Variants in SRPX observed in about 807,000 individuals in gnomAD.
SRPX encodes sushi repeat containing protein X-linked.
SRPX carries 24 observed loss-of-function variants against 38.1 expected under a neutral mutation model. The observed-to-expected ratio is 0.63, with a 90% CI of 0.46 to 0.89. The LOEUF (loss-of-function observed/expected upper bound fraction) is 0.89. Ranked by LOEUF, SRPX falls within the 40% of genes least tolerant of loss-of-function variation. The probability of loss-of-function intolerance (pLI) is 0.00; values close to 1 mark genes in which losing one functional copy is unlikely to be tolerated. For missense variants in SRPX, 416 were observed against 377.8 expected (o/e 1.10, Z -0.84); for synonymous variants, 184 against 153.8 (o/e 1.20, Z -1.45).
chrX:38,152,679 T>C lies in SRPX; in HGVS notation c.1211+1783A>G, dbSNP rs752643380. ...CAATATATACAATCTGAATGACAAG[T>C]ATTTTTTAATCACATTTTTCTGTTC... On this transcript the variant is annotated intron_variant, in intron 9 of 9. Transcript: ENST00000378533. Among the ~76,000 whole-genome samples, 4 of 112,593 alleles carry C rather than the reference T, an allele frequency of 3.6e-5. No homozygotes were observed. The South Asian group carries it at 1.5e-3, about 41-fold the overall frequency.
intron 9 of SRPX, among the ~76,000 whole-genome samples, chrX:38,152,127 A>G (rs908682284): frequency 9.0e-6 from 1 of 111,480 alleles, no homozygotes; most frequent in Non-Finnish European, 1.9e-5. Flanking sequence ...TTTGCTTCCC[A>G]TTCTTTGCCT....
At chrX:38,219,424 G>T (rs1176949648) in intron 1 of SRPX, among the ~76,000 whole-genome samples, 1 of 110,913 alleles carries the variant, frequency 9.0e-6, no homozygotes, top group Admixed American at 9.5e-5. Context: ...TGCTAAAGGG[G>T]GTGGGAGAGG....
At chrX:38,173,862 T>A (rs762584806) in intron 3 of SRPX, among the ~76,000 whole-genome samples, 17 of 112,126 alleles carry the variant, frequency 1.5e-4, no homozygotes, top group African/African-American at 4.9e-4. Flanking sequence ...GCAGGACCCA[T>A]GTGCGTCTTA....
intron 1 of SRPX, among the ~76,000 whole-genome samples, chrX:38,205,798 T>A (rs769116767): frequency 8.9e-6 from 1 of 112,296 alleles, no homozygotes; most frequent in East Asian, 2.8e-4. Flanking sequence ...AACAGCCTAA[T>A]ACACTTGGCT....
chrX:38,174,546 A>T (rs757966395), intron 2 of SRPX, among the ~76,000 whole-genome samples, 195 bp from the exon 3 acceptor site: 2 of 111,585 alleles, frequency 1.8e-5, no homozygotes, highest in Non-Finnish European at 3.8e-5. Flanking sequence ...TCTGAACATG[A>T]ATCTGAGTTC....
rs1167462453 is a variant in SRPX at position 38,160,035 on chromosome X, T to C, written c.937A>G (p.Thr313Ala). Reference protein sequence around the residue: ...VCQSNLAWSGTEPTCAAMNVN... With the variant: ...VCQSNLAWSGAEPTCAAMNVN... ...TACCTACCTGCACAGGTGGGCTCCGTGCCAGACCAAGCCAGGTTGGATTGA... is the reference window on the plus strand; with the variant it reads ...TACCTACCTGCACAGGTGGGCTCCGCGCCAGACCAAGCCAGGTTGGATTGA... Residue 313 changes from threonine to alanine, a missense_variant, in exon 7 of 10, where the codon ACG (threonine) becomes GCG (alanine). Transcript: ENST00000378533. 8.3e-7 allele frequency: 1 copy of C among 1,210,889 alleles called. No homozygotes were observed. Among genetic ancestry groups the C allele is most frequent in the Admixed American group, 2.2e-5 (1 of 46,035 alleles).
intron 1 of SRPX, among the ~76,000 whole-genome samples, chrX:38,212,831 AGTCTTGAATCCTTG>A (rs66689926): frequency 0.045 from 5,000 of 110,641 alleles, 467 homozygotes; most frequent in East Asian, 0.45. Flanking sequence ...CCACTCTCCA[AGTCTTGAATCCTTG>A]GACTCAAGGC....
intron 1 of SRPX, among the ~76,000 whole-genome samples, chrX:38,210,785 C>A (rs1054939762): frequency 1.8e-5 from 2 of 112,438 alleles, no homozygotes; most frequent in Non-Finnish European, 3.8e-5. Flanking sequence ...CTAGTTATAG[C>A]ATGCTGGCCT....
intron 1 of SRPX, among the ~76,000 whole-genome samples, chrX:38,183,357 A>T (rs941596923): frequency 3.6e-5 from 4 of 112,296 alleles, no homozygotes; most frequent in African/African-American, 1.3e-4. Context: ...CTCAGCCTTG[A>T]TAGGTGTTTT....
intron 5 of SRPX, among the ~76,000 whole-genome samples, chrX:38,162,717 G>A (rs778363974): frequency 8.9e-6 from 1 of 112,553 alleles, no homozygotes; most frequent in African/African-American, 3.2e-5. Context: ...AGGAGACTGA[G>A]TCAGGAGAAT....
At chrX:38,180,833 A>G (rs1436603687) in intron 1 of SRPX, among the ~76,000 whole-genome samples, 3 of 112,425 alleles carry the variant, frequency 2.7e-5, no homozygotes, top group African/African-American at 9.7e-5. Flanking sequence ...ATGGGAAAAT[A>G]TTATAGAATG....
intron 1 of SRPX, among the ~76,000 whole-genome samples, chrX:38,215,112 C>T (rs1205034584): frequency 1.8e-5 from 2 of 111,955 alleles, no homozygotes; most frequent in East Asian, 2.8e-4. Context: ...GAAAGTCTGT[C>T]CCCAGATTCT....
At chrX:38,220,650 G>A (rs201891926) in intron 1 of SRPX, 46 bp downstream of exon 1, 1 of 1,183,661 alleles carries the variant, frequency 8.4e-7, no homozygotes, top group Admixed American at 2.3e-5. Flanking sequence ...CGACTCCGGG[G>A]GTCTTTGGTG....
intron 1 of SRPX, among the ~76,000 whole-genome samples, chrX:38,220,390 C>A (rs1939494974): frequency 8.8e-6 from 1 of 113,391 alleles, no homozygotes. Context: ...CAAACTTTCT[C>A]TGTGGAGCCT....
intron 6 of SRPX, among the ~76,000 whole-genome samples, 192 bp downstream of exon 6, chrX:38,160,741 C>A (rs968071950): frequency 1.8e-5 from 2 of 111,136 alleles, no homozygotes; most frequent in Non-Finnish European, 3.8e-5. Context: ...GCAACACTGA[C>A]GCCCATCCGG....
At chrX:38,180,204 T>A (rs757250204) in intron 1 of SRPX, among the ~76,000 whole-genome samples, 1 of 111,805 alleles carries the variant, frequency 8.9e-6, no homozygotes, top group Non-Finnish European at 1.9e-5. Context: ...TCGGTTGTCA[T>A]CCTGGTTAAC....
intron 1 of SRPX, among the ~76,000 whole-genome samples, chrX:38,211,031 C>A (rs1939311077): frequency 8.9e-6 from 1 of 111,996 alleles, no homozygotes; most frequent in South Asian, 3.7e-4. Flanking sequence ...GCTTTGCAGG[C>A]CATATGGACT....
At chrX:38,165,238 T>C (rs1483034170) in intron 4 of SRPX, among the ~76,000 whole-genome samples, 1 of 111,974 alleles carries the variant, frequency 8.9e-6, no homozygotes, top group Non-Finnish European at 1.9e-5. Context: ...CTAGAAGTCA[T>C]TTGGCTTTAG....
chrX:38,179,897 G>A (rs916510861), intron 1 of SRPX, among the ~76,000 whole-genome samples: 1 of 111,167 alleles, frequency 9.0e-6, no homozygotes, highest in African/African-American at 3.3e-5. Flanking sequence ...TTGAGCCCAG[G>A]AGTTCAAAAA....
Sources: gnomAD v4.1 joint callset for allele counts (sites outside exome capture counted in the v4.1 genomes callset) on GRCh38, gnomAD v4.1.1 for gene constraint, MANE v1.5 for transcripts, NCBI Gene and HGNC (gene_info 2026-07-23, HGNC 2026-07-21) for gene names.